The following ZNF728 variants were observed in gnomAD, a reference collection of about 807,000 sequenced individuals.
ZNF728 encodes the protein zinc finger protein 728.
ZNF728 carries 12 observed loss-of-function variants against 12.5 expected under a neutral mutation model. The ratio of observed to expected loss-of-function variants is 0.96; its 90% CI spans 0.61 to 1.55. The LOEUF is 1.55. ZNF728 is among the 40% of genes most tolerant of loss of function. ZNF728 has a pLI of 0.00. For missense variants in ZNF728, 692 were observed against 719.2 expected, an observed-to-expected ratio of 0.96 and a Z score of 0.43; for synonymous variants, 205 against 240.7, an observed-to-expected ratio of 0.85 and a Z score of 1.37.
At chr19:22,978,149 T>C (rs1483508707) in intron 3 of ZNF728, among the ~76,000 whole-genome samples, 1 of 151,984 alleles carries the variant, frequency 6.6e-6, no homozygotes, top group Non-Finnish European at 1.5e-5. Context: ...AAAACATATT[T>C]ATAATCACAA....
At chr19:22,993,382 T>C (rs1311261825) in intron 1 of ZNF728, among the ~76,000 whole-genome samples, 2 of 152,202 alleles carry the variant, frequency 1.3e-5, no homozygotes, top group South Asian at 2.1e-4. Flanking sequence ...CTCTGCATTT[T>C]TGGGTGTTAC....
chr19:23,000,485 A>G (rs1969096449), intron 1 of ZNF728, among the ~76,000 whole-genome samples: 1 of 152,084 alleles, frequency 6.6e-6, no homozygotes, highest in African/African-American at 2.4e-5. Flanking sequence ...TACAGATATT[A>G]TTTTCTGAAA....
At chr19:22,978,595 C>T (rs1968830178) in intron 3 of ZNF728, among the ~76,000 whole-genome samples, 1 of 152,160 alleles carries the variant, frequency 6.6e-6, no homozygotes, top group Non-Finnish European at 1.5e-5. Context: ...TGACAGACAC[C>T]TCATACAGGA....
At chr19:22,988,167 T>G (rs779876905) in intron 2 of ZNF728, among the ~76,000 whole-genome samples, 158 bp downstream of exon 2, 1 of 152,184 alleles carries the variant, frequency 6.6e-6, no homozygotes, top group Non-Finnish European at 1.5e-5. Context: ...GGGCCCTTGT[T>G]CACTAGAAGC....
intron 1 of ZNF728, among the ~76,000 whole-genome samples, chr19:22,996,613 A>G (rs1040684987): frequency 7.6e-6 from 1 of 131,816 alleles, no homozygotes; most frequent in Admixed American, 7.0e-5. Flanking sequence ...CTAAAGAAAG[A>G]TAAAAAAATA....
intron 3 of ZNF728, among the ~76,000 whole-genome samples, chr19:22,987,003 G>A (rs1968923226): frequency 2.6e-5 from 4 of 152,102 alleles, no homozygotes; most frequent in Non-Finnish European, 5.9e-5. Flanking sequence ...GGAAATATCT[G>A]TGTCCACAAA....
intron 1 of ZNF728, among the ~76,000 whole-genome samples, chr19:22,998,365 A>AT (rs1568278736): frequency 6.6e-6 from 1 of 151,886 alleles, no homozygotes; most frequent in African/African-American, 2.4e-5. Flanking sequence ...AAAAAAAAAA[A>AT]AAACATAAAG....
At chr19:23,002,259 G>A (rs991966615) in intron 1 of ZNF728, among the ~76,000 whole-genome samples, 19 of 152,234 alleles carry the variant, frequency 1.2e-4, no homozygotes, top group African/African-American at 3.4e-4. Flanking sequence ...AGATTGCAGT[G>A]AGCCCAGACG....
Position 22,987,319 on chromosome 19 carries a change from T to C in ZNF728, c.215A>G (p.Lys72Arg), listed in dbSNP as rs745367724. Reference protein sequence around the residue: ...PWNMKRHELVKEPPVICSHFA... With the variant: ...PWNMKRHELVREPPVICSHFA... ...TCATTCTCACCTACCTGGCGGTTCT[T>C]TCACCAGCTCATGTCTCTTCATATT... Residue 72 changes from lysine (K) to arginine (R), a missense_variant, in exon 3 of 4, where the codon AAA becomes AGA. Physicochemically the swap from Lys to Arg is conservative, Grantham distance 26. Around this residue, in one of 3 missense-constraint regions of ZNF728, gnomAD observed 440 missense variants for 459.6 expected, o/e 0.96. Coordinates refer to ENST00000594710, the MANE Select transcript of ZNF728 (RefSeq NM_001267716.2). The C allele has an allele frequency of 1.7e-5, 28 of 1,611,006 alleles. No individual in the cohort carries two copies. The highest frequency in any genetic ancestry group is 2.4e-5 in the Non-Finnish European group (28 of 1,178,412).
intron 1 of ZNF728, among the ~76,000 whole-genome samples, chr19:22,996,860 C>G (rs1969055698): frequency 6.6e-6 from 1 of 152,158 alleles, no homozygotes; most frequent in African/African-American, 2.4e-5. Context: ...TATATTTTCT[C>G]TTACAACAGC....
chr19:22,999,667 A>C (rs1969085863), intron 1 of ZNF728, among the ~76,000 whole-genome samples: 1 of 152,216 alleles, frequency 6.6e-6, no homozygotes, highest in East Asian at 1.9e-4. Context: ...GAAAATTTTA[A>C]GGTGCTTACA....
At chr19:22,989,121 T>C (rs1968955375) in intron 1 of ZNF728, among the ~76,000 whole-genome samples, 1 of 151,506 alleles carries the variant, frequency 6.6e-6, no homozygotes, top group Non-Finnish European at 1.5e-5. Flanking sequence ...CATAGTTGTG[T>C]ATATTGTTCA....
chr19:22,981,566 C>CACA (rs924860821), intron 3 of ZNF728, among the ~76,000 whole-genome samples: 1 of 152,106 alleles, frequency 6.6e-6, no homozygotes. Flanking sequence ...CTGGCAGAGA[C>CACA]ACAACAACAA....
At chr19:22,999,686 CTCAG>C (rs1430690985) in intron 1 of ZNF728, among the ~76,000 whole-genome samples, 7 of 152,086 alleles carry the variant, frequency 4.6e-5, no homozygotes, top group Non-Finnish European at 1.5e-5. Context: ...CATTTTGTAC[CTCAG>C]TAAGAGAAGC....
rs1968778169 is a variant in ZNF728 at position 22,975,043 on chromosome 19, A to G, written c.*425T>C. 6.6e-6 allele frequency among the ~76,000 whole-genome samples: 1 copy of G among 152,228 alleles called. No individual in the cohort carries two copies. The highest frequency in any genetic ancestry group is 2.1e-4 in the South Asian group (1 of 4,838). The stretch of plus-strand genomic sequence containing the variant: ...GTGACAGCCATTTAAAGGCTTTGTC[A>G]CATTCTTCACATTTCTAGGATTTCT... On this transcript the variant is annotated 3_prime_UTR_variant, in exon 4 of 4. Transcript: ENST00000594710.
At chr19:22,984,765 G>C (rs1430199597) in intron 3 of ZNF728, among the ~76,000 whole-genome samples, 1 of 151,760 alleles carries the variant, frequency 6.6e-6, no homozygotes, top group Non-Finnish European at 1.5e-5. Context: ...CATTTTTGAA[G>C]AAATAGAAAC....
chr19:22,978,430 T>C (rs1387036244), intron 3 of ZNF728, among the ~76,000 whole-genome samples: 1 of 152,188 alleles, frequency 6.6e-6, no homozygotes, highest in African/African-American at 2.4e-5. Context: ...ATGTCTTCCA[T>C]AGGAAAGATG....
intron 3 of ZNF728, among the ~76,000 whole-genome samples, chr19:22,981,559 G>A (rs977620935): frequency 3.3e-5 from 5 of 152,080 alleles, no homozygotes; most frequent in African/African-American, 9.7e-5. Flanking sequence ...CAAAAACCTG[G>A]CAGAGACACA....
chr19:22,989,294 T>C (rs1338279811), intron 1 of ZNF728, among the ~76,000 whole-genome samples: 2 of 152,102 alleles, frequency 1.3e-5, no homozygotes, highest in Admixed American at 6.6e-5. Flanking sequence ...GCCAATGGTT[T>C]TGGCCCAAAA....
Sources: allele counts gnomAD v4.1 joint callset (sites outside exome capture counted in the v4.1 genomes callset), GRCh38; gene constraint gnomAD v4.1.1; regional missense constraint gnomAD v4.1.1; transcripts MANE v1.5; gene names NCBI Gene and HGNC (gene_info 2026-07-23, HGNC 2026-07-21).